The following SNTG1 variants were observed in gnomAD, a reference collection of about 807,000 sequenced individuals.
SNTG1 encodes syntrophin gamma 1.
In SNTG1, 39 loss-of-function variants were observed where a neutral mutation model predicts 74.7. The observed-to-expected ratio is 0.52, with a 90% CI of 0.40 to 0.68. The LOEUF (loss-of-function observed/expected upper bound fraction) is 0.68. SNTG1 is among the 30% of genes least tolerant of loss of function. SNTG1 has a pLI of 0.00. For missense variants in SNTG1, 685 were observed against 609.5 expected (o/e 1.12, Z -1.30); for synonymous variants, 254 against 217.1 (o/e 1.17, Z -1.49).
chr8:50,606,197 T>C (rs1200565710), intron 13 of SNTG1, among the ~76,000 whole-genome samples: 1 of 152,220 alleles, frequency 6.6e-6, no homozygotes, highest in Admixed American at 6.5e-5. Context: ...TGTAGACTTA[T>C]TCAAGAGTAG....
chr8:50,011,523 C>A (rs1474034178), intron 1 of SNTG1, among the ~76,000 whole-genome samples: 1 of 151,684 alleles, frequency 6.6e-6, no homozygotes. Context: ...TTAAGTATTT[C>A]TTTATTACTA....
In SNTG1 at chr8:50,005,763, T is replaced by C. The variant is rs1815162530; in HGVS notation, c.-103+93532T>C. 2.6e-5 allele frequency among the ~76,000 whole-genome samples: 4 copies of C among 151,978 alleles called. No individual in the cohort carries two copies. In the South Asian group the frequency reaches 8.3e-4, roughly 32 times the overall value. ...GATTTGCTGATGTGAATATTGCCTATTTTGTGACTGTAAAAGGTCCCCTAG... is the reference window on the plus strand; with the variant it reads ...GATTTGCTGATGTGAATATTGCCTACTTTGTGACTGTAAAAGGTCCCCTAG... On this transcript the variant is annotated intron_variant, in intron 1 of 18. Transcript: ENST00000642720.
chr8:50,609,971 C>T (rs75130175), intron 13 of SNTG1, among the ~76,000 whole-genome samples: 12,046 of 152,108 alleles, frequency 0.079, 1,119 homozygotes, highest in African/African-American at 0.2. Context: ...CATCCAGAGT[C>T]AGTTTCTATC....
chr8:50,734,743 ATG>A (rs1491149418), intron 17 of SNTG1, among the ~76,000 whole-genome samples: 2 of 87,134 alleles, frequency 2.3e-5, no homozygotes, highest in African/African-American at 7.5e-5. Context: ...ATATATGGAC[ATG>A]TATATAGATA....
intron 13 of SNTG1, among the ~76,000 whole-genome samples, chr8:50,608,592 A>G (rs1201519071): frequency 6.6e-6 from 1 of 151,766 alleles, no homozygotes; most frequent in African/African-American, 2.4e-5. Flanking sequence ...TCCAATGGTA[A>G]ATCAAATGCA....
At chr8:50,003,562 A>C (rs565819784) in intron 1 of SNTG1, among the ~76,000 whole-genome samples, 1 of 152,238 alleles carries the variant, frequency 6.6e-6, no homozygotes, top group Admixed American at 6.6e-5. Context: ...GTAATTATGG[A>C]ATTTTTTGTC....
intron 13 of SNTG1, among the ~76,000 whole-genome samples, chr8:50,603,872 C>T (rs1401357347): frequency 1.3e-5 from 2 of 152,258 alleles, no homozygotes; most frequent in East Asian, 1.9e-4. Flanking sequence ...ATGGGTGATG[C>T]AAGACCCCTG....
intron 2 of SNTG1, among the ~76,000 whole-genome samples, chr8:50,285,458 G>A (rs1257758188): frequency 1.3e-5 from 2 of 152,088 alleles, no homozygotes; most frequent in African/African-American, 4.8e-5. Flanking sequence ...GAAATAAAAA[G>A]GAAAAATTAT....
intron 2 of SNTG1, among the ~76,000 whole-genome samples, chr8:50,350,694 T>C (rs2091630623): frequency 6.6e-6 from 1 of 152,192 alleles, no homozygotes; most frequent in Non-Finnish European, 1.5e-5. Context: ...ATCCACACTC[T>C]GTATCTAGCT....
intron 1 of SNTG1, among the ~76,000 whole-genome samples, chr8:50,054,496 G>A (rs542429963): frequency 6.6e-6 from 1 of 151,932 alleles, no homozygotes; most frequent in South Asian, 2.1e-4. Context: ...TTATATTACT[G>A]AACAAACCAT....
At chr8:49,957,156 T>C (rs753451370) in intron 1 of SNTG1, among the ~76,000 whole-genome samples, 2 of 152,204 alleles carry the variant, frequency 1.3e-5, no homozygotes, top group Non-Finnish European at 2.9e-5. Context: ...ATCATTAAGA[T>C]GGTGCTTCTG....
chr8:50,463,567 T>C (rs1053941236), intron 8 of SNTG1, among the ~76,000 whole-genome samples: 4 of 152,198 alleles, frequency 2.6e-5, no homozygotes, highest in Non-Finnish European at 5.9e-5. Context: ...AATCTTATTT[T>C]CTAAGCAGTA....
chr8:49,983,327 A>C (rs937750980), intron 1 of SNTG1, among the ~76,000 whole-genome samples: 1 of 152,314 alleles, frequency 6.6e-6, no homozygotes, highest in Non-Finnish European at 1.5e-5. Flanking sequence ...ATATTTGCAC[A>C]TTTTTCAAAA....
chr8:50,612,748 G>A (rs1015145340), intron 13 of SNTG1, among the ~76,000 whole-genome samples: 1 of 152,168 alleles, frequency 6.6e-6, no homozygotes, highest in African/African-American at 2.4e-5. Context: ...AGAAGTCCAA[G>A]TAGGTGAATT....
chr8:50,779,873 T>C (rs1456299688), intron 18 of SNTG1, among the ~76,000 whole-genome samples: 1 of 151,586 alleles, frequency 6.6e-6, no homozygotes, highest in Non-Finnish European at 1.5e-5. Flanking sequence ...TTGAGATATG[T>C]CCCATCAATA....
At chr8:50,790,042 A>G (rs1376259225) in intron 18 of SNTG1, among the ~76,000 whole-genome samples, 1 of 151,866 alleles carries the variant, frequency 6.6e-6, no homozygotes, top group Non-Finnish European at 1.5e-5. Flanking sequence ...GAAATGGCTC[A>G]CTCCATCTTC....
At position 49,934,583 on chromosome 8, in the gene SNTG1, C is replaced by T. The variant is rs556341904; in HGVS notation, c.-103+22352C>T. On this transcript the variant is annotated intron_variant, in intron 1 of 18. Transcript: ENST00000642720. ...ACTAAATTACTCACTGGAAATTATA[C>T]CCCTGAAGAGTATGTGTTTAATGAT... is the stretch of plus-strand genomic sequence containing the variant. Among the ~76,000 whole-genome samples, 136 of 152,180 alleles carry T rather than the reference C, an allele frequency of 8.9e-4. 1 individual carries two copies. Among genetic ancestry groups the T allele is most frequent in the African/African-American group, 3.2e-3 (132 of 41,528 alleles).
intron 2 of SNTG1, among the ~76,000 whole-genome samples, chr8:50,306,344 C>A (rs1362190177): frequency 6.6e-6 from 1 of 151,926 alleles, no homozygotes; most frequent in African/African-American, 2.4e-5. Context: ...GTAAACTGGG[C>A]TGCAATAAAC....
intron 1 of SNTG1, among the ~76,000 whole-genome samples, chr8:49,955,177 T>C (rs1258337222): frequency 6.6e-6 from 1 of 152,252 alleles, no homozygotes; most frequent in African/African-American, 2.4e-5. Flanking sequence ...AAAGACTTTG[T>C]GTAATCTATT....
Sources: allele counts gnomAD v4.1 joint callset (sites outside exome capture counted in the v4.1 genomes callset), GRCh38; gene constraint gnomAD v4.1.1; transcripts MANE v1.5; gene names NCBI Gene and HGNC (gene_info 2026-07-23, HGNC 2026-07-21).